Variants in RGMA observed in about 807,000 individuals in gnomAD.
The protein encoded by RGMA is repulsive guidance molecule BMP co-receptor a.
RGMA carries 10 observed loss-of-function variants against 23.2 expected under a neutral mutation model. That is an observed-to-expected ratio of 0.43 (90% confidence interval 0.27 to 0.73). The LOEUF is 0.73. Among genes scored for constraint, RGMA ranks in the 30% least tolerant of loss-of-function variants. RGMA has a pLI of 0.20. For missense variants in RGMA, 547 were observed against 630.5 expected, an observed-to-expected ratio of 0.87 and a Z score of 1.42; for synonymous variants, 308 against 279.3, an observed-to-expected ratio of 1.10 and a Z score of -1.03.
rs900317382 is a variant in RGMA, at chr15:93,044,240, G to A, written c.*758C>T. On this transcript the variant is annotated 3_prime_UTR_variant, in exon 4 of 4. Transcript: ENST00000329082. ...AACAGAAGTCAAGGATCTCTTCTCT[G>A]TTTAGACATTTAGAACCAAGCACTT... 2.6e-5 allele frequency: 4 copies of A among 152,346 alleles called. No individual in the cohort carries two copies. The highest frequency in any genetic ancestry group is 9.6e-5 in the African/African-American group (4 of 41,472). The allele number at this position is 152,346 out of a possible 1,614,324, so 9.4% of individuals were successfully genotyped here. A position where few individuals can be genotyped will look rare whatever the true frequency, so the allele number is the denominator to read the frequency against.
At chr15:93,067,667 T>C (rs7179799) in intron 2 of RGMA, among the ~76,000 whole-genome samples, 2,303 of 150,690 alleles carry the variant, frequency 0.015, 60 homozygotes, top group African/African-American at 0.052. Flanking sequence ...GGTGGGGTGG[T>C]ATATGGGGAG....
rs979183587 is a variant in RGMA at position 93,036,881 on chromosome 15, T to C, written c.*8117A>G. 7 of 152,272 alleles carry C rather than the reference T, an allele frequency of 4.6e-5. No homozygotes were observed. The highest frequency in any genetic ancestry group is 1.4e-4 in the African/African-American group (6 of 41,456). The allele number at this position is 152,272 out of a possible 1,614,324, so 9.4% of individuals were successfully genotyped here. Reference sequence around the variant, plus strand: ...TCTGTCCGTCTGTAAACCAGGGCAATATCTGCTTTCTAGGGTTTTTGTGAA... The same window carrying C: ...TCTGTCCGTCTGTAAACCAGGGCAACATCTGCTTTCTAGGGTTTTTGTGAA... On this transcript the variant is annotated 3_prime_UTR_variant, in exon 4 of 4. Transcript: ENST00000329082.
chr15:93,039,720 T>C lies in RGMA; in HGVS notation c.*5278A>G, dbSNP rs1019140834. On this transcript the variant is annotated 3_prime_UTR_variant, in exon 4 of 4. Transcript: ENST00000329082. ...TTCATCCATGTCCCTGCAAAGGACA[T>C]GAACTCATCCCTTTTTATGGCTGCA... The C allele has an allele frequency of 1.3e-5, 2 of 152,274 alleles. No individual in the cohort carries two copies. The highest frequency in any genetic ancestry group is 2.9e-5 in the Non-Finnish European group (2 of 68,080). The allele number at this position is 152,274 out of a possible 1,614,324, so 9.4% of individuals were successfully genotyped here.
rs1458494885 is a variant in RGMA at position 93,039,670 on chromosome 15, T to C, written c.*5328A>G. ...GTTTGGTTTTCTGTTCTTGTGTTAG[T>C]TTGCTGAGAATGATGGTTTCCAGCT... On this transcript the variant is annotated 3_prime_UTR_variant, in exon 4 of 4. Transcript: ENST00000329082. 1.3e-5 allele frequency: 2 copies of C among 152,202 alleles called. No homozygotes were observed. The highest frequency in any genetic ancestry group is 2.9e-5 in the Non-Finnish European group (2 of 68,066). 9.4% of individuals were successfully genotyped at this position (152,202 alleles called of 1,614,324 possible). A position where few individuals can be genotyped will look rare whatever the true frequency, so the allele number is the denominator to read the frequency against.
rs768128952 is a variant in RGMA at position 93,045,069 on chromosome 15, G to T, written c.1282C>A (p.Leu428Met). ...AGGAGGGGCCGGGGGGCCAGGGGCAGCCCCGCAGCCGCCCTGCCTGGCAGG... is the reference window on the plus strand; with the variant it reads ...AGGAGGGGCCGGGGGGCCAGGGGCATCCCCGCAGCCGCCCTGCCTGGCAGG... Reference protein sequence around the residue: ...RDLPGRAAAGLPLAPRPLLGA... With the variant: ...RDLPGRAAAGMPLAPRPLLGA... The change falls in exon 4 of 4, where the codon CTG becomes ATG. Residue 428 changes from leucine to methionine, a missense_variant. Coordinates refer to ENST00000329082, the MANE Select transcript of RGMA (RefSeq NM_020211.3). The surrounding 1 kb of genome is among the most constrained non-coding windows in gnomAD (Gnocchi z 6.9). 2 of 1,572,642 alleles carry T rather than the reference G, an allele frequency of 1.3e-6. No homozygotes were observed. Among genetic ancestry groups the T allele is most frequent in the Admixed American group, 3.7e-5 (2 of 53,772 alleles).
At chr15:93,065,742 G>A (rs780130755) in intron 2 of RGMA, 46 of 1,191,900 alleles carry the variant, frequency 3.9e-5, no homozygotes, top group Middle Eastern at 2.1e-4. Context: ...CAGCGGGACC[G>A]TGGCTGGGCT....
chr15:93,073,466 C>T (rs950732239), intron 1 of RGMA: 10 of 1,074,584 alleles, frequency 9.3e-6, no homozygotes, highest in Middle Eastern at 2.1e-4. Flanking sequence ...CTTGGGAGGC[C>T]GCAGGGCATG....
At chr15:93,052,625 T>C (rs1997382) in intron 2 of RGMA, 118 bp from the exon 3 acceptor site, 677,271 of 1,129,374 alleles carry the variant, frequency 0.6, 207,426 homozygotes, top group East Asian at 0.92. Flanking sequence ...GAGCCACCCA[T>C]GCCACACACA....
At chr15:93,066,976 T>C (rs1895177292) in intron 2 of RGMA, among the ~76,000 whole-genome samples, 1 of 152,252 alleles carries the variant, frequency 6.6e-6, no homozygotes, top group African/African-American at 2.4e-5. Context: ...GGAATGATGA[T>C]CCTCACGGGA....
At chr15:93,076,897 C>T (rs1375637131) in intron 1 of RGMA, among the ~76,000 whole-genome samples, 2 of 152,210 alleles carry the variant, frequency 1.3e-5, no homozygotes, top group Non-Finnish European at 2.9e-5. Context: ...GATTACTTAA[C>T]AATCACTTTC....
rs2054776384 is a variant in RGMA, at chr15:93,044,326, A to T, written c.*672T>A. 6.5e-6 allele frequency: 1 copy of T among 152,786 alleles called. No homozygotes were observed. Among genetic ancestry groups the T allele is most frequent in the East Asian group, 1.9e-4 (1 of 5,198 alleles). The allele number at this position is 152,786 out of a possible 1,614,324, so 9.5% of individuals were successfully genotyped here. A position where few individuals can be genotyped will look rare whatever the true frequency, so the allele number is the denominator to read the frequency against. On this transcript the variant is annotated 3_prime_UTR_variant, in exon 4 of 4. Transcript: ENST00000329082. ...CCAGGCCAGAGACGGGCAGCTGAGCAGGTGCCTGAAAACCGGGACCTGCAC... is the reference window on the plus strand; with the variant it reads ...CCAGGCCAGAGACGGGCAGCTGAGCTGGTGCCTGAAAACCGGGACCTGCAC...
chr15:93,055,173 C>T (rs2054993612), intron 2 of RGMA, among the ~76,000 whole-genome samples: 1 of 152,132 alleles, frequency 6.6e-6, no homozygotes, highest in Non-Finnish European at 1.5e-5. Context: ...GGAAGGAACA[C>T]TGGTCTCCTG....
chr15:93,084,491 G>C (rs1895607007), intron 1 of RGMA, among the ~76,000 whole-genome samples: 2 of 150,040 alleles, frequency 1.3e-5, no homozygotes, highest in African/African-American at 4.9e-5. Context: ...GTTTTTTTTT[G>C]AGATGGAGTC....
rs1171975851 is a variant in RGMA at position 93,039,693 on chromosome 15, G to C, written c.*5305C>G. 2.0e-5 allele frequency: 3 copies of C among 152,144 alleles called. No homozygotes were observed. Among genetic ancestry groups the C allele is most frequent in the East Asian group, 1.9e-4 (1 of 5,188 alleles). The allele number at this position is 152,144 out of a possible 1,614,324, so 9.4% of individuals were successfully genotyped here. A position where few individuals can be genotyped will look rare whatever the true frequency, so the allele number is the denominator to read the frequency against. The stretch of plus-strand genomic sequence containing the variant: ...AGTTTGCTGAGAATGATGGTTTCCA[G>C]CTTCATCCATGTCCCTGCAAAGGAC... On this transcript the variant is annotated 3_prime_UTR_variant, in exon 4 of 4. Coordinates refer to ENST00000329082, the MANE Select transcript of RGMA (RefSeq NM_020211.3).
intron 2 of RGMA, among the ~76,000 whole-genome samples, chr15:93,070,231 A>C (rs1895279984): frequency 6.6e-6 from 1 of 152,216 alleles, no homozygotes; most frequent in Admixed American, 6.5e-5. Context: ...AAACGCTCTC[A>C]GTGTAGCTGA....
intron 1 of RGMA, among the ~76,000 whole-genome samples, chr15:93,085,957 A>G (rs1895628388): frequency 6.6e-6 from 1 of 152,176 alleles, no homozygotes; most frequent in Non-Finnish European, 1.5e-5. Flanking sequence ...AATTTTTTCC[A>G]CTGCCCTATT....
chr15:93,058,254 G>A (rs72645173), intron 2 of RGMA, among the ~76,000 whole-genome samples: 11,616 of 152,274 alleles, frequency 0.076, 503 homozygotes, highest in Middle Eastern at 0.12. Flanking sequence ...CCCAGTGGGA[G>A]GGTCTCACCG....
rs2054785664 is a variant in RGMA at position 93,044,710 on chromosome 15, A to C, written c.*288T>G. ...GTCTCTGGTGGGGGTGGGGGGCTTCAGCCTGAGGGGATGTTTCACACATTC... is the reference window on the plus strand; with the variant it reads ...GTCTCTGGTGGGGGTGGGGGGCTTCCGCCTGAGGGGATGTTTCACACATTC... On this transcript the variant is annotated 3_prime_UTR_variant, in exon 4 of 4. Coordinates refer to ENST00000329082, the MANE Select transcript of RGMA (RefSeq NM_020211.3). 1 of 451,704 alleles carries C rather than the reference A, an allele frequency of 2.2e-6. No homozygotes were observed. The highest frequency in any genetic ancestry group is 4.0e-6 in the Non-Finnish European group (1 of 251,760). The allele number at this position is 451,704 out of a possible 1,614,324, so 28.0% of individuals were successfully genotyped here.
At chr15:93,086,194 A>G (rs1895632163) in intron 1 of RGMA, among the ~76,000 whole-genome samples, 1 of 152,222 alleles carries the variant, frequency 6.6e-6, no homozygotes, top group South Asian at 2.1e-4. Flanking sequence ...CAGGAACACC[A>G]CAGACACTTA....
Sources: allele counts gnomAD v4.1 joint callset (sites outside exome capture counted in the v4.1 genomes callset), GRCh38; gene constraint gnomAD v4.1.1; non-coding constraint Gnocchi (gnomAD v3.1); transcripts MANE v1.5; gene names NCBI Gene and HGNC (gene_info 2026-07-23, HGNC 2026-07-21).